DSC2: variants seen among roughly 807,000 people sequenced by gnomAD.
DSC2 encodes the protein desmocollin 2, also known as desmocollin-2.
Under a neutral mutation model 87.6 loss-of-function variants are expected in DSC2, and 51 were observed. The observed-to-expected ratio is 0.58, with a 90% confidence interval of 0.46 to 0.74. The LOEUF is 0.74. Among genes scored for constraint, DSC2 ranks in the 30% least tolerant of loss-of-function variants. DSC2 has a pLI of 0.00. For synonymous variants in DSC2, 383 were observed against 393.2 expected (o/e 0.97, Z 0.31); for missense variants, 1,066 against 1,089.5 (o/e 0.98, Z 0.30).
In DSC2 at chr18:31,060,129, A is replaced by T. The variant is rs1468296349; in HGVS notation, c.*7886T>A. Reference sequence around the variant, plus strand: ...CACAGTAATGGATCATACATCATTTAATTACTTCCCTGTCATGGAACATTT... The same window carrying T: ...CACAGTAATGGATCATACATCATTTTATTACTTCCCTGTCATGGAACATTT... On this transcript the variant is annotated 3_prime_UTR_variant, in exon 16 of 16. Coordinates refer to ENST00000280904, the MANE Select transcript of DSC2 (RefSeq NM_024422.6). 1 of 152,176 alleles carries T rather than the reference A, an allele frequency of 6.6e-6. No homozygotes were observed. 9.4% of individuals were successfully genotyped at this position (152,176 alleles called of 1,614,324 possible). A position where few individuals can be genotyped will look rare whatever the true frequency, so the allele number is the denominator to read the frequency against.
In DSC2 at chr18:31,060,284, G is replaced by A. The variant is rs1451677682; in HGVS notation, c.*7731C>T. ...TTTACTTGATTTCATTGGTAATTCT[G>A]CATCACATCTTGTGTATATTGACAC... On this transcript the variant is annotated 3_prime_UTR_variant, in exon 16 of 16. Coordinates refer to ENST00000280904, the MANE Select transcript of DSC2 (RefSeq NM_024422.6). 1.2e-5 allele frequency: 1 copy of A among 85,476 alleles called. No individual in the cohort carries two copies. The highest frequency in any genetic ancestry group is 2.6e-5 in the Non-Finnish European group (1 of 37,754). The allele number at this position is 85,476 out of a possible 1,614,324, so 5.3% of individuals were successfully genotyped here. A position where few individuals can be genotyped will look rare whatever the true frequency, so the allele number is the denominator to read the frequency against.
At chr18:31,098,506 G>C (rs1987834962) in intron 1 of DSC2, among the ~76,000 whole-genome samples, 1 of 152,044 alleles carries the variant, frequency 6.6e-6, no homozygotes, top group East Asian at 1.9e-4. Flanking sequence ...CCAGGCCGGA[G>C]TGCAGTGGTG....
chr18:31,075,267 G>C (rs566133965), intron 11 of DSC2, among the ~76,000 whole-genome samples: 9 of 152,274 alleles, frequency 5.9e-5, no homozygotes, highest in Admixed American at 2.0e-4. Context: ...ACACACCCGT[G>C]ATCTGGAGAC....
At chr18:31,088,338 G>T (rs1342377327) in intron 5 of DSC2, among the ~76,000 whole-genome samples, 1 of 152,154 alleles carries the variant, frequency 6.6e-6, no homozygotes, top group Non-Finnish European at 1.5e-5. Context: ...GGGTGAATCA[G>T]AAATGAAACA....
chr18:31,069,412 T>C (rs1023309002), intron 14 of DSC2, among the ~76,000 whole-genome samples: 1 of 152,004 alleles, frequency 6.6e-6, no homozygotes, highest in Non-Finnish European at 1.5e-5. Context: ...TATTCCTTCT[T>C]TAAAAATCTC....
rs535815212 is a variant in DSC2, at chr18:31,073,230, A to G, written c.1889-1389T>C. On this transcript the variant is annotated intron_variant, in intron 12 of 15. Coordinates refer to ENST00000280904, the MANE Select transcript of DSC2 (RefSeq NM_024422.6). ...TATTTTGCTAAGTAAGACTATTGGGAAAAAAAAATGTCCACTTTCTATCAA... is the reference window on the plus strand; with the variant it reads ...TATTTTGCTAAGTAAGACTATTGGGGAAAAAAAATGTCCACTTTCTATCAA... Among the ~76,000 whole-genome samples, 61 of 150,692 alleles carry G rather than the reference A, an allele frequency of 4.0e-4. No homozygotes were observed. The Middle Eastern group carries it at 0.02, about 50-fold the overall frequency.
Position 31,070,830 on chromosome 18 carries a change from A to C in DSC2, c.2146T>G (p.Cys716Gly), listed in dbSNP as rs751228044. 6.2e-7 allele frequency: 1 copy of C among 1,613,918 alleles called. No individual in the cohort carries two copies. Among genetic ancestry groups the C allele is most frequent in the South Asian group, 1.1e-5 (1 of 91,080 alleles). The change falls in exon 14 of 16, where the codon TGT becomes GGT. Residue 716 changes from cysteine to glycine, a missense_variant. Physicochemically the swap from Cys to Gly is radical, Grantham distance 159. Coordinates refer to ENST00000280904, the MANE Select transcript of DSC2 (RefSeq NM_024422.6). Reference protein sequence around the residue: ...LLFCILFTLVCGASGTSKQPK... With the variant: ...LLFCILFTLVGGASGTSKQPK... ...TGTTTAGACGTCCCAGAAGCCCCACAGACCAGCGTAAACAGGATGCCTGGA... is the reference window on the plus strand; with the variant it reads ...TGTTTAGACGTCCCAGAAGCCCCACCGACCAGCGTAAACAGGATGCCTGGA...
At chr18:31,082,543 C>T (rs1987258989) in intron 8 of DSC2, 120 bp from the exon 9 acceptor site, 3 of 922,034 alleles carry the variant, frequency 3.3e-6, no homozygotes, top group Non-Finnish European at 3.4e-6. Flanking sequence ...ATTTGAAACC[C>T]TAGCACTATA....
At chr18:31,074,970 C>A in intron 11 of DSC2, 63 bp from the exon 12 acceptor site, 1 of 1,485,564 alleles carries the variant, frequency 6.7e-7, no homozygotes, top group Admixed American at 2.0e-5. Flanking sequence ...AAAGTATGCA[C>A]TGAACACATT....
chr18:31,098,428 T>C (rs2144862394), intron 1 of DSC2, among the ~76,000 whole-genome samples: 1 of 152,218 alleles, frequency 6.6e-6, no homozygotes, highest in African/African-American at 2.4e-5. Flanking sequence ...ACAATGTTTA[T>C]GGAGGGAAGA....
Position 31,092,108 on chromosome 18 carries a change from T to G in DSC2, c.347A>C (p.Gln116Pro). 1.9e-6 allele frequency: 3 copies of G among 1,612,242 alleles called. No individual in the cohort carries two copies. The highest frequency in any genetic ancestry group is 2.5e-6 in the Non-Finnish European group (3 of 1,179,074). ...KKKIFVFLEH[Q>P]TKVLKKRHTK... is the part of the protein sequence containing the mutation. ...TTATGTAGCCTTGTATACCTTTGTTTGATGCTCCAAAAAGACAAATATTTT... is the reference window on the plus strand; with the variant it reads ...TTATGTAGCCTTGTATACCTTTGTTGGATGCTCCAAAAAGACAAATATTTT... The change falls in exon 3 of 16, where the codon CAA becomes CCA. Residue 116 changes from glutamine to proline, a missense_variant. Coordinates refer to ENST00000280904, the MANE Select transcript of DSC2 (RefSeq NM_024422.6).
chr18:31,086,688 T>A lies in DSC2; in HGVS notation c.830A>T (p.His277Leu). 1 of 1,614,154 alleles carries A rather than the reference T, an allele frequency of 6.2e-7. No individual in the cohort carries two copies. Among genetic ancestry groups the A allele is most frequent in the Non-Finnish European group, 8.5e-7 (1 of 1,180,020 alleles). ...ATDKDEPDTM[H>L]TRLKYSIIGQ... ...AATGATGGAGTACTTCAGGCGTGTG[T>A]GCATCGTGTCAGGCTCATCTTTGTC... The change falls in exon 7 of 16, where the codon CAC becomes CTC. Residue 277 changes from histidine to leucine, a missense_variant. His to Leu is a moderately conservative substitution (Grantham distance 99). Coordinates refer to ENST00000280904, the MANE Select transcript of DSC2 (RefSeq NM_024422.6).
intron 15 of DSC2, 129 bp downstream of exon 15, chr18:31,068,765 A>G: frequency 7.9e-7 from 1 of 1,272,924 alleles, no homozygotes; most frequent in Non-Finnish European, 1.1e-6. Context: ...TTGAGGAAAA[A>G]TAATAGCTTT....
At chr18:31,083,725 A>C (rs1336050713) in intron 7 of DSC2, among the ~76,000 whole-genome samples, 1 of 152,212 alleles carries the variant, frequency 6.6e-6, no homozygotes, top group African/African-American at 2.4e-5. Context: ...TGTGGAAAAT[A>C]GAATCTGGCT....
rs968889803 is a variant in DSC2 at position 31,062,348 on chromosome 18, A to G, written c.*5667T>C. ...AGAATCATTTCTTGAATTTCTAAAC[A>G]TAAGTGGTTTTTAGTTGCTTTTCCT... On this transcript the variant is annotated 3_prime_UTR_variant, in exon 16 of 16. Coordinates refer to ENST00000280904, the MANE Select transcript of DSC2 (RefSeq NM_024422.6). 1 of 152,062 alleles carries G rather than the reference A, an allele frequency of 6.6e-6. No individual in the cohort carries two copies. The highest frequency in any genetic ancestry group is 1.5e-5 in the Non-Finnish European group (1 of 68,018). The allele number at this position is 152,062 out of a possible 1,614,324, so 9.4% of individuals were successfully genotyped here.
At chr18:31,099,825 A>C (rs1487651703) in intron 1 of DSC2, among the ~76,000 whole-genome samples, 1 of 152,122 alleles carries the variant, frequency 6.6e-6, no homozygotes, top group Non-Finnish European at 1.5e-5. Context: ...ACTTGGGTAT[A>C]TGGGAAGGAA....
chr18:31,074,086 G>A (rs1232516072), intron 12 of DSC2, among the ~76,000 whole-genome samples: 3 of 152,166 alleles, frequency 2.0e-5, no homozygotes, highest in Non-Finnish European at 2.9e-5. Flanking sequence ...ATAGGGGATC[G>A]ATTCAGGACC....
rs1191528815 is a variant in DSC2, at chr18:31,066,682, A to T, written c.*1333T>A. On this transcript the variant is annotated 3_prime_UTR_variant, in exon 16 of 16. Transcript: ENST00000280904. ...AACATGGACTGGAATTTTGTGAGCT[A>T]TTAAGTTTCATTTTGTTTTACTGTT... The T allele has an allele frequency of 6.6e-6, 1 of 152,146 alleles. No homozygotes were observed. Among genetic ancestry groups the T allele is most frequent in the Non-Finnish European group, 1.5e-5 (1 of 67,976 alleles). 9.4% of individuals were successfully genotyped at this position (152,146 alleles called of 1,614,324 possible). A position where few individuals can be genotyped will look rare whatever the true frequency, so the allele number is the denominator to read the frequency against.
In DSC2 at chr18:31,092,154, T is replaced by C. The variant is rs1372970572; in HGVS notation, c.301A>G (p.Thr101Ala). Residue 101 changes from threonine to alanine, a missense_variant, in exon 3 of 16, where the codon ACT becomes GCT. Coordinates refer to ENST00000280904, the MANE Select transcript of DSC2 (RefSeq NM_024422.6). The part of the protein sequence containing the change: ...KRSFTILLSN[T>A]ENQEKKKIFV... ...ATTTTCTTCTTTTCTTGGTTCTCAGTGTTGGAAAGTAATATGGTAAAACTT... is the reference window on the plus strand; with the variant it reads ...ATTTTCTTCTTTTCTTGGTTCTCAGCGTTGGAAAGTAATATGGTAAAACTT... 3.7e-6 allele frequency: 6 copies of C among 1,613,466 alleles called. No individual in the cohort carries two copies. The highest frequency in any genetic ancestry group is 4.2e-6 in the Non-Finnish European group (5 of 1,179,604).
Sources: gnomAD v4.1 joint callset for allele counts (sites outside exome capture counted in the v4.1 genomes callset) on GRCh38, gnomAD v4.1.1 for gene constraint, MANE v1.5 for transcripts, NCBI Gene and HGNC (gene_info 2026-07-23, HGNC 2026-07-21) for gene names.